Variants in ZC3H14 observed in about 807,000 individuals in gnomAD.
The protein encoded by ZC3H14 is zinc finger CCCH-type containing 14.
ZC3H14 carries 31 observed loss-of-function variants against 92.4 expected under a neutral mutation model. The observed-to-expected ratio is 0.34, with a 90% CI of 0.25 to 0.45. The LOEUF (loss-of-function observed/expected upper bound fraction) is 0.45. Among genes scored for constraint, ZC3H14 ranks in the 20% least tolerant of loss-of-function variants. The pLI is 1.00. For missense variants in ZC3H14, 781 were observed against 897.3 expected (o/e 0.87, Z 1.66); for synonymous variants, 321 against 300.9 (o/e 1.07, Z -0.69).
intron 9 of ZC3H14, among the ~76,000 whole-genome samples, chr14:88,578,781 G>GTTTT (rs35101368): frequency 2.0e-4 from 15 of 76,846 alleles, no homozygotes; most frequent in African/African-American, 4.8e-4. Flanking sequence ...TTGCTTCCAG[G>GTTTT]TTTTTTTTTT....
Position 88,610,931 on chromosome 14 carries a change from C to T in ZC3H14, c.2195C>T (p.Pro732Leu), listed in dbSNP as rs754094227. The part of the protein sequence containing the change: ...PPRHALKWIR[P>L]QTSE ...CGACATGCCTTGAAATGGATTCGAC[C>T]TCAAACCAGGTAAACATTCAAATTC... The change falls in exon 16 of 17, where the codon CCT becomes CTT. Residue 732 changes from proline (P) to leucine (L), a missense_variant. Physicochemically the swap from Pro to Leu is moderately conservative, Grantham distance 98 (BLOSUM62 -3). Around this residue, in one of 3 missense-constraint regions of ZC3H14, gnomAD observed 221 missense variants for 304.7 expected, o/e 0.73. Coordinates refer to ENST00000251038, the MANE Select transcript of ZC3H14 (RefSeq NM_024824.5). 10 of 1,613,980 alleles carry T rather than the reference C, an allele frequency of 6.2e-6. No homozygotes were observed. The highest frequency in any genetic ancestry group is 7.6e-6 in the Non-Finnish European group (9 of 1,179,864).
In ZC3H14 at chr14:88,626,885, G is replaced by T; in HGVS notation, c.*15134G>T. 6.2e-7 allele frequency: 1 copy of T among 1,613,960 alleles called. No individual in the cohort carries two copies. The highest frequency in any genetic ancestry group is 8.5e-7 in the Non-Finnish European group (1 of 1,179,856). ...ATGGTCTGCATCCGGGCATCTTCCA[G>T]TGTGCTCAGTAGCCCTTTTTTGCTA... On this transcript the variant is annotated 3_prime_UTR_variant, in exon 17 of 17. Transcript: ENST00000251038.
chr14:88,571,902 T>C (rs1222401257), intron 4 of ZC3H14, 128 bp from the exon 5 acceptor site: 3 of 647,928 alleles, frequency 4.6e-6, no homozygotes, highest in Non-Finnish European at 7.1e-6. Context: ...ATTTGGAGGT[T>C]GCAGGGAGCC....
chr14:88,573,152 G>A (rs943593218), intron 6 of ZC3H14, 145 bp downstream of exon 6: 9 of 890,676 alleles, frequency 1.0e-5, no homozygotes, highest in East Asian at 5.4e-5. Flanking sequence ...AGGCCGAGGC[G>A]GGTGGATCAC....
intron 3 of ZC3H14, 94 bp from the exon 4 acceptor site, chr14:88,570,990 A>T (rs1018939301): frequency 2.0e-6 from 2 of 994,478 alleles, no homozygotes; most frequent in Admixed American, 6.2e-5. Flanking sequence ...TTAAAAAATT[A>T]TCTCTGAATA....
rs576012336 is a variant in ZC3H14, at chr14:88,563,062, G to A, written c.-72G>A. 3.5e-5 allele frequency: 53 copies of A among 1,535,336 alleles called. No individual in the cohort carries two copies. The Admixed American group carries it at 4.5e-4, about 13-fold the overall frequency. ...GGAGGCGGTGGTGTCCCGGCTGCGG[G>A]GTAGGAGTCCGCGGCAGCCTCCGGG... On this transcript the variant is annotated 5_prime_UTR_variant, in exon 1 of 17. Transcript: ENST00000251038.
At chr14:88,610,645 T>A (rs1217403054) in intron 15 of ZC3H14, among the ~76,000 whole-genome samples, 189 bp from the exon 16 acceptor site, 1 of 144,472 alleles carries the variant, frequency 6.9e-6, no homozygotes. Flanking sequence ...CCCCATCTCT[T>A]AAAAAAAAAA....
chr14:88,609,261 T>C lies in ZC3H14; in HGVS notation c.1869-6T>C. 1 of 1,613,944 alleles carries C rather than the reference T, an allele frequency of 6.2e-7. No individual in the cohort carries two copies. Among genetic ancestry groups the C allele is most frequent in the Non-Finnish European group, 8.5e-7 (1 of 1,179,946 alleles). ...ATATGAAATATGCTTTTTTTTTGTTTTGTAGAGCCTTCCCCAATTGTAAAT... is the reference window on the plus strand; with the variant it reads ...ATATGAAATATGCTTTTTTTTTGTTCTGTAGAGCCTTCCCCAATTGTAAAT... On this transcript the variant is annotated splice_polypyrimidine_tract_variant and splice_region_variant and intron_variant, in intron 13 of 16. Coordinates refer to ENST00000251038, the MANE Select transcript of ZC3H14 (RefSeq NM_024824.5).
chr14:88,613,624 G>A lies in ZC3H14; in HGVS notation c.*1873G>A, dbSNP rs927565622. On this transcript the variant is annotated 3_prime_UTR_variant, in exon 17 of 17. Transcript: ENST00000251038. ...GACCATAAAACATTTGTTGGATGAC[G>A]TGGTTTAAAATGATCACCACAAAAA... 4 of 152,042 alleles carry A rather than the reference G, an allele frequency of 2.6e-5. No homozygotes were observed. Among genetic ancestry groups the A allele is most frequent in the Admixed American group, 6.6e-5 (1 of 15,254 alleles). 9.4% of individuals were successfully genotyped at this position (152,042 alleles called of 1,614,324 possible).
chr14:88,616,324 G>T lies in ZC3H14; in HGVS notation c.*4573G>T. ...TCTTATTAGGAACTATAATCTCTATGACAAGAGCTGTGGAGAGAGTAGGGA... is the reference window on the plus strand; with the variant it reads ...TCTTATTAGGAACTATAATCTCTATTACAAGAGCTGTGGAGAGAGTAGGGA... On this transcript the variant is annotated 3_prime_UTR_variant, in exon 17 of 17. Transcript: ENST00000251038. 4 of 1,332,368 alleles carry T rather than the reference G, an allele frequency of 3.0e-6. No homozygotes were observed. The highest frequency in any genetic ancestry group is 4.3e-6 in the Non-Finnish European group (4 of 928,004). 82.5% of individuals were successfully genotyped at this position (1,332,368 alleles called of 1,614,324 possible).
In ZC3H14 at chr14:88,568,138, T is replaced by G. The variant is rs989810747; in HGVS notation, c.179T>G (p.Ile60Ser). 1.2e-6 allele frequency: 2 copies of G among 1,614,040 alleles called. No individual in the cohort carries two copies. The highest frequency in any genetic ancestry group is 1.7e-6 in the Non-Finnish European group (2 of 1,179,902). Residue 60 changes from isoleucine (I) to serine (S), a missense_variant, in exon 3 of 17, where the codon ATT becomes AGT. This residue lies in a region of ZC3H14 where 106 missense variants were observed against 154.2 expected (regional missense o/e 0.69). Transcript: ENST00000251038. ...TCCCTGTTTCTAGGGAACAACACAA[T>G]TCGATTCACCGTATGGTATGTTTCT... ...DLSLFLGNNT[I>S]RFTVWLHGVL...
chr14:88,575,005 C>T (rs113031129), intron 7 of ZC3H14, 152 bp downstream of exon 7: 8 of 1,167,052 alleles, frequency 6.9e-6, no homozygotes, highest in South Asian at 5.5e-5. Flanking sequence ...GCCACGATCT[C>T]GGCTCACTGC....
intron 9 of ZC3H14, among the ~76,000 whole-genome samples, chr14:88,583,989 A>G (rs906382833): frequency 2.0e-5 from 3 of 152,190 alleles, no homozygotes; most frequent in African/African-American, 7.2e-5. Context: ...GTTATATACT[A>G]TTAGGTGCAT....
Position 88,616,779 on chromosome 14 carries a change from C to T in ZC3H14, c.*5028C>T. 6.2e-7 allele frequency: 1 copy of T among 1,613,924 alleles called. No individual in the cohort carries two copies. Among genetic ancestry groups the T allele is most frequent in the East Asian group, 2.2e-5 (1 of 44,868 alleles). ...AACTTAACCATGCCAAAGTCATCTC[C>T]TGTAACAAGACTGATTCCTGAATGA... On this transcript the variant is annotated 3_prime_UTR_variant, in exon 17 of 17. Transcript: ENST00000251038.
chr14:88,563,548 C>A (rs1163716706), intron 1 of ZC3H14, 103 bp from the exon 2 acceptor site: 3 of 1,578,674 alleles, frequency 1.9e-6, no homozygotes, highest in South Asian at 2.2e-5. Context: ...CCCGGGGGAT[C>A]CGAGGTGCGC....
chr14:88,592,930 A>C (rs1481222019), intron 9 of ZC3H14, among the ~76,000 whole-genome samples: 2 of 151,580 alleles, frequency 1.3e-5, no homozygotes, highest in Non-Finnish European at 2.9e-5. Context: ...TAAGGACCTT[A>C]CAAGATTTTC....
chr14:88,603,161 A>G, intron 12 of ZC3H14, 101 bp downstream of exon 12: 2 of 1,154,416 alleles, frequency 1.7e-6, no homozygotes, highest in Non-Finnish European at 2.5e-6. Context: ...CCTTGCTTTT[A>G]TTTATATTCA....
chr14:88,568,891 C>T (rs185578326), intron 3 of ZC3H14, among the ~76,000 whole-genome samples: 5 of 151,260 alleles, frequency 3.3e-5, no homozygotes, highest in African/African-American at 1.2e-4. Flanking sequence ...ACTTCTATAT[C>T]TTTTTTTTTG....
In ZC3H14 at chr14:88,616,906, C is replaced by CA; in HGVS notation, c.*5156dup. 1 of 1,609,336 alleles carries CA rather than the reference C, an allele frequency of 6.2e-7. No homozygotes were observed. The highest frequency in any genetic ancestry group is 8.5e-7 in the Non-Finnish European group (1 of 1,177,284). ...TAGAGGGAAGGAACAAAAGAAAACTCATCATGGCAAGTGCGGGCAGGTTGA... is the reference window on the plus strand; with the variant it reads ...TAGAGGGAAGGAACAAAAGAAAACTCAATCATGGCAAGTGCGGGCAGGTTGA... On this transcript the variant is annotated 3_prime_UTR_variant, in exon 17 of 17. Coordinates refer to ENST00000251038, the MANE Select transcript of ZC3H14 (RefSeq NM_024824.5).
Sources: allele counts gnomAD v4.1 joint callset (sites outside exome capture counted in the v4.1 genomes callset), GRCh38; gene constraint gnomAD v4.1.1; regional missense constraint gnomAD v4.1.1; transcripts MANE v1.5; gene names NCBI Gene and HGNC (gene_info 2026-07-23, HGNC 2026-07-21).